Variants in DMXL1 observed in about 807,000 individuals in gnomAD.
DMXL1 encodes dmX-like protein 1.
DMXL1 carries 99 observed loss-of-function variants against 319.2 expected under a neutral mutation model. That is an observed-to-expected ratio of 0.31 (90% CI 0.26 to 0.37). The LOEUF is 0.37. DMXL1 is among the 10% of genes least tolerant of loss of function. DMXL1 has a pLI of 1.00. For synonymous variants in DMXL1, 1,385 were observed against 1,235.2 expected, an observed-to-expected ratio of 1.12 and a Z score of -2.54; for missense variants, 3,745 against 3,595.6, an observed-to-expected ratio of 1.04 and a Z score of -1.06.
chr5:119,092,110 G>T (rs1215347036), intron 1 of DMXL1, among the ~76,000 whole-genome samples: 1 of 152,030 alleles, frequency 6.6e-6, no homozygotes, highest in African/African-American at 2.4e-5. Context: ...TTGGGGGAGG[G>T]GTGTTGTGAA....
chr5:119,165,315 A>T (rs763423423), intron 21 of DMXL1, 35 bp downstream of exon 21: 3 of 1,141,174 alleles, frequency 2.6e-6, no homozygotes, highest in African/African-American at 1.6e-5. Context: ...GGGTGCTTCA[A>T]TGTGAAAACC....
intron 19 of DMXL1, among the ~76,000 whole-genome samples, chr5:119,157,961 C>T (rs1199596164): frequency 6.6e-6 from 1 of 152,134 alleles, no homozygotes; most frequent in East Asian, 1.9e-4. Context: ...TTTTTCCAAT[C>T]TGTGAACACT....
At chr5:119,138,176 T>C (rs1352605872) in intron 13 of DMXL1, among the ~76,000 whole-genome samples, 2 of 151,960 alleles carry the variant, frequency 1.3e-5, no homozygotes, top group African/African-American at 4.8e-5. Flanking sequence ...ATGGCAGAGA[T>C]GATAAAAATG....
chr5:119,128,528 T>C (rs564563196), intron 9 of DMXL1: 1 of 157,932 alleles, frequency 6.3e-6, no homozygotes, highest in African/African-American at 2.4e-5. Context: ...TAAAGATAAA[T>C]GAAATATTAT....
chr5:119,122,681 G>C (rs1762457431), intron 9 of DMXL1, among the ~76,000 whole-genome samples: 1 of 151,900 alleles, frequency 6.6e-6, no homozygotes. Context: ...CTGCCGGGCA[G>C]AGGCGCTCCT....
At chr5:119,128,794 G>A (rs185890790) in intron 9 of DMXL1, among the ~76,000 whole-genome samples, 9 of 152,240 alleles carry the variant, frequency 5.9e-5, no homozygotes, top group Admixed American at 4.6e-4. Context: ...GGCCAGGCAC[G>A]GTGGCTCACG....
chr5:119,227,110 C>G (rs1234792532), intron 38 of DMXL1, among the ~76,000 whole-genome samples: 1 of 152,174 alleles, frequency 6.6e-6, no homozygotes, highest in Admixed American at 6.5e-5. Flanking sequence ...TAAGACACTG[C>G]ATTAGCATAA....
intron 3 of DMXL1, 98 bp downstream of exon 3, chr5:119,102,104 A>C (rs1757407407): frequency 1.5e-6 from 1 of 658,258 alleles, no homozygotes; most frequent in African/African-American, 1.9e-5. Flanking sequence ...GGTATTACTT[A>C]TATACTGTAA....
At chr5:119,190,868 A>G (rs1195485707) in intron 29 of DMXL1, among the ~76,000 whole-genome samples, 1 of 152,242 alleles carries the variant, frequency 6.6e-6, no homozygotes, top group Non-Finnish European at 1.5e-5. Flanking sequence ...AAAGAACAGT[A>G]TGTTGGAAGC....
chr5:119,243,494 A>G (rs1367605258), intron 42 of DMXL1, among the ~76,000 whole-genome samples: 2 of 152,110 alleles, frequency 1.3e-5, no homozygotes, highest in South Asian at 2.1e-4. Context: ...TCCTTGAGCT[A>G]TATGCAGATT....
intron 42 of DMXL1, 24 bp from the exon 43 acceptor site, chr5:119,244,335 G>GT (rs575388678): frequency 8.6e-3 from 11,632 of 1,349,998 alleles, no homozygotes; most frequent in South Asian, 0.011. Context: ...AAGTGTTTTT[G>GT]TTTTTTTTTT....
chr5:119,076,664 A>G (rs1202920138), intron 1 of DMXL1, among the ~76,000 whole-genome samples: 3 of 152,214 alleles, frequency 2.0e-5, no homozygotes, highest in African/African-American at 7.2e-5. Flanking sequence ...GCTGCATGCC[A>G]AACTTAAAAC....
chr5:119,189,517 C>G (rs912830773), intron 28 of DMXL1, among the ~76,000 whole-genome samples, 191 bp from the exon 29 acceptor site: 37 of 152,258 alleles, frequency 2.4e-4, no homozygotes, highest in Middle Eastern at 3.4e-3. Flanking sequence ...GAGGAAAAAG[C>G]AGAGGTTGCT....
chr5:119,118,850 A>G lies in DMXL1; in HGVS notation c.779A>G (p.Lys260Arg), dbSNP rs755880455. The change falls in exon 8 of 44, where the codon AAA (lysine) becomes AGA (arginine). Residue 260 changes from lysine to arginine, a missense_variant. Around this residue, in one of 4 missense-constraint regions of DMXL1, gnomAD observed 2,096 missense variants for 1,985.4 expected, o/e 1.06. Coordinates refer to ENST00000539542, the MANE Select transcript of DMXL1 (RefSeq NM_001290321.3). ...SVCNVLLTCC[K>R]DNVCRLWVET... ...TGTAATGTACTGTTGACTTGCTGCA[A>G]AGATAATGTGTGTCGTCTTTGGGTA... The G allele has an allele frequency of 6.2e-7, 1 of 1,613,422 alleles. No individual in the cohort carries two copies. Among genetic ancestry groups the G allele is most frequent in the Non-Finnish European group, 8.5e-7 (1 of 1,179,800 alleles).
chr5:119,195,498 G>A (rs1238233614), intron 30 of DMXL1, among the ~76,000 whole-genome samples: 1 of 152,166 alleles, frequency 6.6e-6, no homozygotes. Flanking sequence ...TATAGTATGT[G>A]ATTTCACTTA....
intron 38 of DMXL1, among the ~76,000 whole-genome samples, chr5:119,227,612 G>GT (rs1054486059): frequency 6.6e-6 from 1 of 152,040 alleles, no homozygotes; most frequent in East Asian, 1.9e-4. Flanking sequence ...CAGTTTTTCT[G>GT]TTTTTTGGTT....
At chr5:119,218,075 A>C (rs1050559671) in intron 35 of DMXL1, among the ~76,000 whole-genome samples, 1 of 152,062 alleles carries the variant, frequency 6.6e-6, no homozygotes, top group African/African-American at 2.4e-5. Flanking sequence ...TTATATATAC[A>C]TGTCAAATAC....
At chr5:119,212,108 A>G (rs901837608) in intron 34 of DMXL1, among the ~76,000 whole-genome samples, 3 of 152,180 alleles carry the variant, frequency 2.0e-5, no homozygotes, top group Admixed American at 2.0e-4. Context: ...CCCAGTGGCC[A>G]TAAGTACATT....
At chr5:119,080,117 C>T (rs1212665340) in intron 1 of DMXL1, among the ~76,000 whole-genome samples, 1 of 152,100 alleles carries the variant, frequency 6.6e-6, no homozygotes, top group Non-Finnish European at 1.5e-5. Context: ...GAGGCTGAGG[C>T]GGGTGGATTG....
Sources: allele counts gnomAD v4.1 joint callset (sites outside exome capture counted in the v4.1 genomes callset), GRCh38; gene constraint gnomAD v4.1.1; regional missense constraint gnomAD v4.1.1; transcripts MANE v1.5; gene names NCBI Gene and HGNC (gene_info 2026-07-23, HGNC 2026-07-21).